Variants in ANKMY1 observed in about 807,000 individuals in gnomAD.
The protein encoded by ANKMY1 is ankyrin repeat and MYND domain containing 1, also known as ankyrin repeat and MYND domain-containing protein 1.
ANKMY1 carries 98 observed loss-of-function variants against 102.0 expected under a neutral mutation model. The observed-to-expected ratio is 0.96, with a 90% confidence interval of 0.82 to 1.14. The LOEUF (loss-of-function observed/expected upper bound fraction) is 1.14. Among genes scored for constraint, ANKMY1 ranks in the 50% most tolerant of loss-of-function variants. The pLI is 0.00. For missense variants in ANKMY1, 1,330 were observed against 1,347.6 expected (o/e 0.99, Z 0.20); for synonymous variants, 582 against 559.9 (o/e 1.04, Z -0.56).
In ANKMY1 at chr2:240,511,912, C is replaced by A; in HGVS notation, c.2235G>T (p.Glu745Asp). 2 of 1,584,234 alleles carry A rather than the reference C, an allele frequency of 1.3e-6. No individual in the cohort carries two copies. The highest frequency in any genetic ancestry group is 2.4e-5 in the East Asian group (1 of 41,756). The change falls in exon 11 of 18, where the codon GAG becomes GAT. Residue 745 changes from glutamate to aspartate, a missense_variant. By Grantham distance (45) the Glu-to-Asp change is conservative. Coordinates refer to ENST00000401804, the MANE Select transcript of ANKMY1 (RefSeq NM_001282771.3). ...CCATGTGCAGAGCCGTCCTGCCCCC[C>A]TCCTCCGGGAGGGCTGTGTCCGTGC... ...YYSTDTALPE[E>D]GGRTALHMAC... is the part of the protein sequence containing the mutation.
At chr2:240,560,959 C>T, upstream of ANKMY1, 1 of 1,516,320 alleles carries the variant, frequency 6.6e-7, no homozygotes. Flanking sequence ...ATGGAGGCCG[C>T]GGTGCGCGCC....
At chr2:240,557,621 G>A (rs373471378) in intron 1 of ANKMY1, among the ~76,000 whole-genome samples, 1 of 152,180 alleles carries the variant, frequency 6.6e-6, no homozygotes, top group Non-Finnish European at 1.5e-5. Flanking sequence ...GGGCGGTCGC[G>A]GCCACGTGGC....
rs372568762 is a variant in ANKMY1, at chr2:240,526,199, G to A, written c.1170+30C>T. On this transcript the variant is annotated intron_variant, in intron 6 of 17. Coordinates refer to ENST00000401804, the MANE Select transcript of ANKMY1 (RefSeq NM_001282771.3). ...GTGACCCTCACAGCTAAGCTCCTGC[G>A]GGCACCAGCTGGGAGGGTGTGGGGC... 1.4e-4 allele frequency: 225 copies of A among 1,613,206 alleles called. 3 individuals carry two copies. Among genetic ancestry groups the A allele is most frequent in the South Asian group, 1.3e-3 (116 of 91,036 alleles).
At chr2:240,560,827 G>A (rs1396586626), upstream of ANKMY1, 8 of 1,421,130 alleles carry the variant, frequency 5.6e-6, no homozygotes, top group Non-Finnish European at 6.4e-6. Context: ...GTCACGCTGT[G>A]CGTCAACGTC....
At chr2:240,543,534 G>T (rs1191168649) in intron 4 of ANKMY1, among the ~76,000 whole-genome samples, 1 of 152,036 alleles carries the variant, frequency 6.6e-6, no homozygotes, top group Non-Finnish European at 1.5e-5. Context: ...TGAATTTTTT[G>T]ATAAGTACGA....
chr2:240,475,573 T>TG (rs2074800436), downstream of ANKMY1, among the ~76,000 whole-genome samples: 1 of 151,836 alleles, frequency 6.6e-6, no homozygotes, highest in Non-Finnish European at 1.5e-5. Context: ...AGGTAAAGGA[T>TG]CCTCACTTAA....
intron 5 of ANKMY1, 144 bp downstream of exon 5, chr2:240,528,893 C>T: frequency 1.3e-6 from 1 of 771,336 alleles, no homozygotes; most frequent in Non-Finnish European, 2.1e-6. Context: ...TTATCGCCCA[C>T]ATCAGTCACT....
intron 4 of ANKMY1, among the ~76,000 whole-genome samples, chr2:240,537,266 A>G (rs533378409): frequency 6.6e-6 from 1 of 152,258 alleles, no homozygotes; most frequent in African/African-American, 2.4e-5. Flanking sequence ...AGATTTGCTG[A>G]TAAGTTACCC....
At chr2:240,483,196 A>G (rs2075639374) in intron 15 of ANKMY1, among the ~76,000 whole-genome samples, 1 of 151,772 alleles carries the variant, frequency 6.6e-6, no homozygotes, top group South Asian at 2.1e-4. Context: ...TTGCTCTGTC[A>G]GCCAGGCTAT....
At chr2:240,490,200 A>G (rs1365347301) in intron 15 of ANKMY1, among the ~76,000 whole-genome samples, 2 of 152,166 alleles carry the variant, frequency 1.3e-5, no homozygotes, top group African/African-American at 4.8e-5. Flanking sequence ...CAGTTTATCA[A>G]TCTTGTTTTC....
intron 15 of ANKMY1, among the ~76,000 whole-genome samples, chr2:240,486,420 A>G (rs1001192330): frequency 6.6e-6 from 1 of 152,250 alleles, no homozygotes; most frequent in African/African-American, 2.4e-5. Flanking sequence ...AAGAAGAAAT[A>G]TGCATTTATA....
chr2:240,537,254 C>T (rs2087025245), intron 4 of ANKMY1, among the ~76,000 whole-genome samples: 1 of 152,118 alleles, frequency 6.6e-6, no homozygotes, highest in Non-Finnish European at 1.5e-5. Context: ...CCTATAGTTT[C>T]CAGATTTGCT....
At position 240,529,130 on chromosome 2, in the gene ANKMY1, T is replaced by G. The variant is rs1242701021; in HGVS notation, c.860A>C (p.Glu287Ala). Residue 287 changes from glutamate to alanine, a missense_variant, in exon 5 of 18, where the codon GAA becomes GCA. Coordinates refer to ENST00000401804, the MANE Select transcript of ANKMY1 (RefSeq NM_001282771.3). This position sits in a 1 kb window ranked among gnomAD's most constrained non-coding sequence, Gnocchi z 4.2. ...TCCATCCTCAACGAACGGAGGAATT[T>G]CATTGAGGAAGATGCGGGCGTCCAG... ...KELDARIFLN[E>A]IPPFVEDGEP... 6.2e-7 allele frequency: 1 copy of G among 1,614,204 alleles called. No homozygotes were observed.
At position 240,512,783 on chromosome 2, in the gene ANKMY1, C is replaced by G. The variant is rs2080474094; in HGVS notation, c.2145+19G>C. 1 of 1,608,520 alleles carries G rather than the reference C, an allele frequency of 6.2e-7. No individual in the cohort carries two copies. Among genetic ancestry groups the G allele is most frequent in the African/African-American group, 1.3e-5 (1 of 74,908 alleles). On this transcript the variant is annotated intron_variant, in intron 10 of 17. Coordinates refer to ENST00000401804, the MANE Select transcript of ANKMY1 (RefSeq NM_001282771.3). ...CTGGCCAAGGCCCCATACCCCTATC[C>G]AGGTCGCGAGGTACACACCTTGCCG... is the stretch of plus-strand genomic sequence containing the variant.
the ANKMY1 span, among the ~76,000 whole-genome samples, chr2:240,471,579 A>T: frequency 1.3e-5 from 2 of 152,228 alleles, no homozygotes; most frequent in African/African-American, 4.8e-5. Context: ...TTCCATTTTT[A>T]AAAAGAAAAA....
Position 240,509,464 on chromosome 2 carries a change from G to C in ANKMY1, c.2287-9C>G. 1 of 1,603,586 alleles carries C rather than the reference G, an allele frequency of 6.2e-7. No homozygotes were observed. The highest frequency in any genetic ancestry group is 8.5e-7 in the Non-Finnish European group (1 of 1,173,076). Reference sequence around the variant, plus strand: ...ACTATGTCCCTGGCACACTGGGTGGGGAGAAATGACAGGTTAGAGAGGCAC... The same window carrying C: ...ACTATGTCCCTGGCACACTGGGTGGCGAGAAATGACAGGTTAGAGAGGCAC... On this transcript the variant is annotated splice_polypyrimidine_tract_variant and intron_variant, in intron 11 of 17. Transcript: ENST00000401804.
intron 2 of ANKMY1, among the ~76,000 whole-genome samples, chr2:240,556,728 G>A (rs2092389739): frequency 6.6e-6 from 1 of 152,206 alleles, no homozygotes; most frequent in Non-Finnish European, 1.5e-5. Flanking sequence ...TACGGGTGGT[G>A]TTGAGGCTGG....
chr2:240,509,287 G>C, intron 12 of ANKMY1, 61 bp downstream of exon 12: 2 of 1,349,136 alleles, frequency 1.5e-6, no homozygotes, highest in Non-Finnish European at 2.1e-6. Context: ...GGACTGGTGG[G>C]GTGGGCACTG....
chr2:240,503,469 T>C (rs1024566348), intron 13 of ANKMY1, among the ~76,000 whole-genome samples: 2 of 152,192 alleles, frequency 1.3e-5, no homozygotes, highest in Non-Finnish European at 2.9e-5. Context: ...AACCCATGCC[T>C]GGTGCTGCAG....
Sources: allele counts gnomAD v4.1 joint callset (sites outside exome capture counted in the v4.1 genomes callset), GRCh38; gene constraint gnomAD v4.1.1; non-coding constraint Gnocchi (gnomAD v3.1); transcripts MANE v1.5; gene names NCBI Gene and HGNC (gene_info 2026-07-23, HGNC 2026-07-21).